The following TGFB2 variants were observed in gnomAD, a reference collection of about 807,000 sequenced individuals.
TGFB2 encodes the protein transforming growth factor beta 2.
In TGFB2, 13 loss-of-function variants were observed where a neutral mutation model predicts 42.7. The ratio of observed to expected loss-of-function variants is 0.30; its 90% confidence interval spans 0.20 to 0.48. The LOEUF (loss-of-function observed/expected upper bound fraction) is 0.48, where lower values mean the gene tolerates loss of function less well. Ranked by LOEUF, TGFB2 falls within the 20% of genes least tolerant of loss-of-function variation. TGFB2 has a pLI of 0.99. For missense variants in TGFB2, 390 were observed against 517.5 expected (o/e 0.75, Z 2.39); for synonymous variants, 193 against 193.6 (o/e 1.00, Z 0.03).
At chr1:218,434,280 G>A in intron 3 of TGFB2, 58 bp from the exon 4 acceptor site, 1 of 1,610,036 alleles carries the variant, frequency 6.2e-7, no homozygotes, top group Non-Finnish European at 8.5e-7. Context: ...TAAATTGATT[G>A]CAGATTTAAG....
chr1:218,425,578 G>A (rs1222315821), intron 2 of TGFB2, among the ~76,000 whole-genome samples: 1 of 152,096 alleles, frequency 6.6e-6, no homozygotes, highest in African/African-American at 2.4e-5. Flanking sequence ...TCTGTGAAGG[G>A]CTAAAAACAT....
At chr1:218,405,659 A>G (rs1658889037) in intron 2 of TGFB2, 4 of 368,536 alleles carry the variant, frequency 1.1e-5, no homozygotes, top group South Asian at 9.9e-5. Context: ...ATGAGCCACC[A>G]TACCTGGCTC....
chr1:218,374,979 C>T (rs1411355163), intron 1 of TGFB2, among the ~76,000 whole-genome samples: 1 of 152,182 alleles, frequency 6.6e-6, no homozygotes, highest in Non-Finnish European at 1.5e-5. Flanking sequence ...AAACTACTCT[C>T]TGGGCAGTGT....
At chr1:218,366,616 G>T (rs901104772) in intron 1 of TGFB2, among the ~76,000 whole-genome samples, 1 of 152,184 alleles carries the variant, frequency 6.6e-6, no homozygotes. Flanking sequence ...CTGACCCGAG[G>T]TGGTGTTTCT....
At chr1:218,356,922 A>G (rs1657053595) in intron 1 of TGFB2, among the ~76,000 whole-genome samples, 1 of 152,182 alleles carries the variant, frequency 6.6e-6, no homozygotes. Flanking sequence ...TAGAAATCTA[A>G]AAGAGGAGGC....
intron 6 of TGFB2, among the ~76,000 whole-genome samples, chr1:218,439,107 C>CAAA (rs5781035): frequency 9.6e-6 from 1 of 103,922 alleles, no homozygotes; most frequent in Non-Finnish European, 2.0e-5. Context: ...GATCCTGTCT[C>CAAA]AAAAAAAAAA....
chr1:218,367,237 G>A (rs1365208621), intron 1 of TGFB2, among the ~76,000 whole-genome samples: 1 of 152,160 alleles, frequency 6.6e-6, no homozygotes, highest in Non-Finnish European at 1.5e-5. Context: ...TGGCCAAAGC[G>A]CTGCTGACCT....
In TGFB2 at chr1:218,443,751, T is replaced by G. The variant is rs1373849417; in HGVS notation, c.*2389T>G. The G allele has an allele frequency of 6.6e-6, 1 of 151,882 alleles. No homozygotes were observed. Among genetic ancestry groups the G allele is most frequent in the Non-Finnish European group, 1.5e-5 (1 of 67,984 alleles). The allele number at this position is 151,882 out of a possible 1,614,324, so 9.4% of individuals were successfully genotyped here. A position where few individuals can be genotyped will look rare whatever the true frequency, so the allele number is the denominator to read the frequency against. The stretch of plus-strand genomic sequence containing the variant: ...TTTGGGGGTTCTGTAAGGTCTTTAT[T>G]TCCCATAAGTAAATATTGCCATGGG... On this transcript the variant is annotated 3_prime_UTR_variant, in exon 7 of 7. Transcript: ENST00000366930.
At chr1:218,357,429 C>G (rs1226897071) in intron 1 of TGFB2, among the ~76,000 whole-genome samples, 1 of 152,168 alleles carries the variant, frequency 6.6e-6, no homozygotes, top group Non-Finnish European at 1.5e-5. Context: ...AACACCACTT[C>G]AGTGATGTGG....
At chr1:218,351,507 G>GA (rs1656866547) in intron 1 of TGFB2, among the ~76,000 whole-genome samples, 1 of 152,062 alleles carries the variant, frequency 6.6e-6, no homozygotes, top group South Asian at 2.1e-4. Context: ...CCTCCTTCAG[G>GA]ATTTCCTCTT....
chr1:218,393,490 C>G (rs965110628), intron 1 of TGFB2, among the ~76,000 whole-genome samples: 3 of 152,136 alleles, frequency 2.0e-5, no homozygotes, highest in African/African-American at 7.2e-5. Flanking sequence ...TTGTTTGAAG[C>G]CTTTACTGCA....
intron 1 of TGFB2, among the ~76,000 whole-genome samples, chr1:218,360,074 A>G (rs1463561269): frequency 6.6e-6 from 1 of 152,178 alleles, no homozygotes; most frequent in African/African-American, 2.4e-5. Context: ...TTACCATGCA[A>G]AATAATTACT....
intron 2 of TGFB2, among the ~76,000 whole-genome samples, chr1:218,418,661 T>G (rs1384843044): frequency 6.6e-6 from 1 of 152,172 alleles, no homozygotes; most frequent in Non-Finnish European, 1.5e-5. Flanking sequence ...GATCTCATCT[T>G]GAATTTCCAT....
At chr1:218,397,577 A>G (rs1354729754) in intron 1 of TGFB2, among the ~76,000 whole-genome samples, 1 of 152,042 alleles carries the variant, frequency 6.6e-6, no homozygotes, top group African/African-American at 2.4e-5. Context: ...AAAAAAAAAA[A>G]AAAAAGTTTA....
rs1337715462 is a variant in TGFB2, at chr1:218,444,154, A to G, written c.*2792A>G. On this transcript the variant is annotated 3_prime_UTR_variant, in exon 7 of 7. Coordinates refer to ENST00000366930, the MANE Select transcript of TGFB2 (RefSeq NM_003238.6). The stretch of plus-strand genomic sequence containing the variant: ...CACTTCAGAAGTCATGCTTTAAAGC[A>G]CAAGAGTCAGGCCATATCCATCAAG... 6.6e-6 allele frequency: 1 copy of G among 152,180 alleles called. No individual in the cohort carries two copies. 9.4% of individuals were successfully genotyped at this position (152,180 alleles called of 1,614,324 possible). A position where few individuals can be genotyped will look rare whatever the true frequency, so the allele number is the denominator to read the frequency against.
chr1:218,428,054 T>C lies in TGFB2; in HGVS notation c.511-6028T>C, dbSNP rs570281261. 9.1e-4 allele frequency among the ~76,000 whole-genome samples: 138 copies of C among 152,320 alleles called. 1 individual carries two copies. The highest frequency in any genetic ancestry group is 3.2e-3 in the African/African-American group (133 of 41,568). On this transcript the variant is annotated intron_variant, in intron 2 of 6. Coordinates refer to ENST00000366930, the MANE Select transcript of TGFB2 (RefSeq NM_003238.6). ...ACTGGTGTGAGATGGTATCTCATTG[T>C]GGTTTTGATTTGCATTTCTCTGATG...
intron 1 of TGFB2, among the ~76,000 whole-genome samples, chr1:218,397,545 C>G (rs1435762503): frequency 7.4e-6 from 1 of 134,876 alleles, no homozygotes; most frequent in Admixed American, 8.1e-5. Context: ...ACCTGTGCAA[C>G]AGAGCGAGAC....
intron 6 of TGFB2, among the ~76,000 whole-genome samples, chr1:218,439,655 C>T (rs1243862935): frequency 6.6e-6 from 1 of 152,184 alleles, no homozygotes; most frequent in African/African-American, 2.4e-5. Context: ...GGGAAGCTTG[C>T]TCATGCCTGT....
chr1:218,387,266 A>C (rs1658168098), intron 1 of TGFB2, among the ~76,000 whole-genome samples: 1 of 152,122 alleles, frequency 6.6e-6, no homozygotes, highest in African/African-American at 2.4e-5. Flanking sequence ...GGGAGACAGC[A>C]GGGTGCCCAT....
Sources: gnomAD v4.1 joint callset for allele counts (sites outside exome capture counted in the v4.1 genomes callset) on GRCh38, gnomAD v4.1.1 for gene constraint, MANE v1.5 for transcripts, NCBI Gene and HGNC (gene_info 2026-07-23, HGNC 2026-07-21) for gene names.